Variants in SLC25A48 observed in about 807,000 individuals in gnomAD.
SLC25A48 encodes CTC-321K16.1.
Under a neutral mutation model 32.2 loss-of-function variants are expected in SLC25A48, and 29 were observed. The ratio of observed to expected loss-of-function variants is 0.90; its 90% CI spans 0.67 to 1.23. The LOEUF (loss-of-function observed/expected upper bound fraction) is 1.23. Among genes scored for constraint, SLC25A48 ranks in the 50% most tolerant of loss-of-function variants. The pLI, the probability that SLC25A48 is intolerant of heterozygous loss-of-function variation, is 0.00. For synonymous variants in SLC25A48, 164 were observed against 172.3 expected (o/e 0.95, Z 0.38); for missense variants, 399 against 422.7 (o/e 0.94, Z 0.49).
At chr5:135,874,780 C>A (rs1455403300) in intron 6 of SLC25A48, 6 of 669,894 alleles carry the variant, frequency 9.0e-6, no homozygotes, top group Non-Finnish European at 1.6e-5. Flanking sequence ...CCAGGATAGA[C>A]CAGACTTCCA....
At chr5:135,808,135 T>G (rs1757506573) in intron 3 of SLC25A48, among the ~76,000 whole-genome samples, 1 of 151,038 alleles carries the variant, frequency 6.6e-6, no homozygotes, top group South Asian at 2.1e-4. Context: ...AAACTAGATA[T>G]TTTAAATGTC....
chr5:135,755,740 C>T (rs11741769), intron 3 of SLC25A48, among the ~76,000 whole-genome samples: 21,752 of 151,040 alleles, frequency 0.14, 1,787 homozygotes, highest in South Asian at 0.2. Flanking sequence ...AAGGAAATAT[C>T]GCTGTGATAT....
At chr5:135,834,374 GGA>G (rs1339733861), upstream of SLC25A48, among the ~76,000 whole-genome samples, 1 of 152,238 alleles carries the variant, frequency 6.6e-6, no homozygotes, top group Non-Finnish European at 1.5e-5. Context: ...AGTTGGGATG[GGA>G]GAGAGTCCAC....
chr5:135,772,395 C>A (rs1273626769), intron 3 of SLC25A48, among the ~76,000 whole-genome samples: 2 of 151,386 alleles, frequency 1.3e-5, no homozygotes, highest in African/African-American at 4.8e-5. Flanking sequence ...TGATATTCTT[C>A]ATAATTTCCA....
chr5:135,812,581 C>T (rs144786584), exon 4 of SLC25A48: 1 of 152,376 alleles, frequency 6.6e-6, no homozygotes, highest in African/African-American at 2.4e-5. Flanking sequence ...GTGATGTCTT[C>T]CTAGGACTCT....
intron 4 of SLC25A48, among the ~76,000 whole-genome samples, chr5:135,859,742 G>A (rs1288321172): frequency 1.3e-5 from 2 of 152,166 alleles, no homozygotes; most frequent in Non-Finnish European, 2.9e-5. Flanking sequence ...TCTGGGTGAG[G>A]CCACAGGAGC....
At position 135,871,564 on chromosome 5, in the gene SLC25A48, G is replaced by A. The variant is rs1429814326; in HGVS notation, c.525G>A (p.Ala175=). ...CCATTGTGAGGAATGAGGGCCTGGC[G>A]GGGCTATACCGGGGGGCCAGTGCCA... ...ITTIVRNEGL[A]GLYRGASAML... Residue 175 remains alanine, a synonymous_variant, in exon 5 of 8, where the codon GCG becomes GCA. Coordinates refer to ENST00000681962, the MANE Select transcript of SLC25A48 (RefSeq NM_001349336.2). 5.6e-6 allele frequency: 9 copies of A among 1,614,074 alleles called. No homozygotes were observed. Among genetic ancestry groups the A allele is most frequent in the South Asian group, 4.4e-5 (4 of 91,090 alleles).
chr5:135,734,821 CAAAA>C (rs1186711507), intron 3 of SLC25A48, among the ~76,000 whole-genome samples: 1 of 116,796 alleles, frequency 8.6e-6, no homozygotes. Flanking sequence ...CATCTCAAAA[CAAAA>C]AAAAAAAAAA....
At chr5:135,723,034 T>C (rs947520942) in intron 3 of SLC25A48, among the ~76,000 whole-genome samples, 2 of 152,188 alleles carry the variant, frequency 1.3e-5, no homozygotes, top group Non-Finnish European at 2.9e-5. Flanking sequence ...CCCCTGCCCC[T>C]CTTTGGAGAG....
At chr5:135,670,218 G>A (rs926091030) in intron 3 of SLC25A48, among the ~76,000 whole-genome samples, 17 of 152,160 alleles carry the variant, frequency 1.1e-4, no homozygotes, top group African/African-American at 4.1e-4. Flanking sequence ...TGAGTCTCAG[G>A]TGTGAAAAGG....
intron 3 of SLC25A48, among the ~76,000 whole-genome samples, chr5:135,759,511 TCTC>T (rs1427999146): frequency 6.6e-6 from 1 of 152,128 alleles, no homozygotes; most frequent in Non-Finnish European, 1.5e-5. Flanking sequence ...GCAGTGAAAT[TCTC>T]CTTCTTCAGC....
chr5:135,768,340 T>C (rs1169808935), intron 3 of SLC25A48, among the ~76,000 whole-genome samples: 4 of 150,464 alleles, frequency 2.7e-5, no homozygotes, highest in African/African-American at 9.8e-5. Context: ...TTCCAGCGAG[T>C]GTACACACTC....
At chr5:135,637,859 T>A (rs1010941076) in intron 3 of SLC25A48, among the ~76,000 whole-genome samples, 4 of 152,202 alleles carry the variant, frequency 2.6e-5, no homozygotes, top group Admixed American at 6.5e-5. Flanking sequence ...TTGTTGTTGT[T>A]GTTGTTGTTG....
chr5:135,782,948 C>T (rs1756751686), intron 3 of SLC25A48, among the ~76,000 whole-genome samples: 2 of 110,622 alleles, frequency 1.8e-5, no homozygotes, highest in East Asian at 2.2e-4. Context: ...AGGGGGTGTG[C>T]ACCCCCACTG....
chr5:135,640,653 A>G (rs978193367), intron 3 of SLC25A48, among the ~76,000 whole-genome samples: 2 of 152,182 alleles, frequency 1.3e-5, no homozygotes, highest in African/African-American at 4.8e-5. Context: ...GTTATGACCA[A>G]TTGAAATTTA....
At chr5:135,660,896 G>A (rs561022213) in intron 3 of SLC25A48, among the ~76,000 whole-genome samples, 11 of 152,338 alleles carry the variant, frequency 7.2e-5, no homozygotes, top group African/African-American at 2.6e-4. Flanking sequence ...AACAGTGCCA[G>A]GCCAGAGTAA....
chr5:135,788,589 C>A (rs1756919972), intron 3 of SLC25A48, among the ~76,000 whole-genome samples: 1 of 151,142 alleles, frequency 6.6e-6, no homozygotes, highest in African/African-American at 2.4e-5. Flanking sequence ...GTGTACACAC[C>A]CCCGCCCTAT....
chr5:135,716,263 G>T (rs1754793781), intron 3 of SLC25A48, among the ~76,000 whole-genome samples: 1 of 152,210 alleles, frequency 6.6e-6, no homozygotes, highest in Admixed American at 6.5e-5. Flanking sequence ...GCAAAACTTA[G>T]CACAATTACT....
intron 3 of SLC25A48, chr5:135,742,550 T>C: frequency 1.4e-6 from 2 of 1,424,602 alleles, no homozygotes; most frequent in Non-Finnish European, 2.0e-6. Context: ...CAAGATTTTG[T>C]GTTTTATGGT....
Sources: gnomAD v4.1 joint callset for allele counts (sites outside exome capture counted in the v4.1 genomes callset) on GRCh38, gnomAD v4.1.1 for gene constraint, MANE v1.5 for transcripts, NCBI Gene and HGNC (gene_info 2026-07-23, HGNC 2026-07-21) for gene names.